The following SGCG variants were observed in gnomAD, a reference collection of about 807,000 sequenced individuals.
SGCG encodes gamma-sarcoglycan.
SGCG carries 26 observed loss-of-function variants against 29.3 expected under a neutral mutation model. That is an observed-to-expected ratio of 0.89 (90% CI 0.65 to 1.23). The LOEUF (loss-of-function observed/expected upper bound fraction) is 1.23. Among genes scored for constraint, SGCG ranks in the 50% most tolerant of loss-of-function variants. SGCG has a pLI of 0.00. For synonymous variants in SGCG, 145 were observed against 129.7 expected (o/e 1.12, Z -0.80); for missense variants, 353 against 356.0 (o/e 0.99, Z 0.07).
intron 2 of SGCG, among the ~76,000 whole-genome samples, chr13:23,218,581 A>G (rs1272068389): frequency 6.6e-6 from 1 of 152,164 alleles, no homozygotes; most frequent in Admixed American, 6.5e-5. Flanking sequence ...ATTTGTTGGG[A>G]AAGGGTAGTA....
chr13:23,259,282 G>A (rs1382731221), intron 4 of SGCG, among the ~76,000 whole-genome samples: 1 of 152,148 alleles, frequency 6.6e-6, no homozygotes, highest in African/African-American at 2.4e-5. Context: ...GAGGGTGTAT[G>A]TGTCCAGGAA....
intron 2 of SGCG, among the ~76,000 whole-genome samples, chr13:23,220,277 A>AC (rs1878606481): frequency 6.6e-6 from 1 of 151,040 alleles, no homozygotes; most frequent in East Asian, 2.0e-4. Context: ...ACATGGAGAA[A>AC]CCCGTCTCTA....
chr13:23,259,415 T>C (rs904660440), intron 4 of SGCG, among the ~76,000 whole-genome samples: 5 of 152,186 alleles, frequency 3.3e-5, no homozygotes, highest in Non-Finnish European at 5.9e-5. Context: ...TTATTGCGTC[T>C]ATTTGATTCT....
At chr13:23,180,549 G>A (rs901380182), upstream of SGCG, among the ~76,000 whole-genome samples, 2 of 152,184 alleles carry the variant, frequency 1.3e-5, no homozygotes, top group African/African-American at 4.8e-5. Flanking sequence ...TAGTATATAG[G>A]TAATAGTCAC....
rs140735612 is a variant in SGCG at position 23,203,361 on chromosome 13, A to G, written c.1-334A>G. On this transcript the variant is annotated intron_variant, in intron 1 of 7. Transcript: ENST00000218867. Reference sequence around the variant, plus strand: ...TATTTTAGGTTAATGTTTCAATTCCAAGTTTAACCCTGAAGAATTCTGATA... The same window carrying G: ...TATTTTAGGTTAATGTTTCAATTCCGAGTTTAACCCTGAAGAATTCTGATA... 1.8e-3 allele frequency among the ~76,000 whole-genome samples: 271 copies of G among 152,314 alleles called. 2 individuals are homozygous for G. The highest frequency in any genetic ancestry group is 6.3e-3 in the African/African-American group (260 of 41,564).
intron 2 of SGCG, among the ~76,000 whole-genome samples, chr13:23,210,993 A>C (rs1001123022): frequency 6.6e-6 from 1 of 152,148 alleles, no homozygotes; most frequent in Non-Finnish European, 1.5e-5. Context: ...CCAAATTCAA[A>C]CCCAACTGAA....
At chr13:23,287,513 C>G (rs559416612) in intron 5 of SGCG, among the ~76,000 whole-genome samples, 1 of 152,280 alleles carries the variant, frequency 6.6e-6, no homozygotes, top group Non-Finnish European at 1.5e-5. Flanking sequence ...AGCACAGAAC[C>G]TGGTCAGACA....
intron 4 of SGCG, among the ~76,000 whole-genome samples, chr13:23,270,981 A>G (rs1581852): frequency 0.64 from 96,997 of 152,022 alleles, 32,696 homozygotes; most frequent in Middle Eastern, 0.84. Context: ...CAGCACTTTC[A>G]GAGGCTGAGG....
chr13:23,295,362 T>C (rs146208560), intron 5 of SGCG, 53 bp from the exon 6 acceptor site: 1 of 1,268,030 alleles, frequency 7.9e-7, no homozygotes, highest in East Asian at 2.3e-5. Context: ...TTTATTTTGT[T>C]TGGTGTCACT....
At chr13:23,252,547 C>T (rs981936245) in intron 4 of SGCG, among the ~76,000 whole-genome samples, 42 of 152,088 alleles carry the variant, frequency 2.8e-4, no homozygotes, top group African/African-American at 8.2e-4. Flanking sequence ...AAAAATTAGC[C>T]GGGCGTGGTG....
intron 6 of SGCG, among the ~76,000 whole-genome samples, chr13:23,309,248 C>CGAGA (rs201756388): frequency 6.7e-6 from 1 of 149,352 alleles, no homozygotes; most frequent in South Asian, 2.1e-4. Flanking sequence ...ATACATATGC[C>CGAGA]GAGAGAGAGA....
intron 3 of SGCG, among the ~76,000 whole-genome samples, chr13:23,247,954 TAAAAAAAA>T (rs200707498): frequency 7.2e-5 from 8 of 110,728 alleles, no homozygotes; most frequent in East Asian, 2.3e-4. Flanking sequence ...TCCCATCTCT[TAAAAAAAA>T]AAAAAAAAAA....
chr13:23,278,938 G>A (rs1383821685), intron 4 of SGCG, among the ~76,000 whole-genome samples: 3 of 152,154 alleles, frequency 2.0e-5, no homozygotes, highest in African/African-American at 2.4e-5. Flanking sequence ...TTATCTTCTA[G>A]GTTAACTTTG....
intron 5 of SGCG, among the ~76,000 whole-genome samples, chr13:23,295,118 T>A (rs1292430579): frequency 6.6e-6 from 1 of 152,180 alleles, no homozygotes; most frequent in Non-Finnish European, 1.5e-5. Context: ...TCAGAAGGAC[T>A]TTTTTTCTTT....
chr13:23,262,707 C>G (rs1464002139), intron 4 of SGCG, among the ~76,000 whole-genome samples: 2 of 152,008 alleles, frequency 1.3e-5, no homozygotes, highest in East Asian at 3.8e-4. Flanking sequence ...AATATCCATT[C>G]TTCCCATCAG....
chr13:23,204,691 C>CTCTT (rs770919816), intron 2 of SGCG, among the ~76,000 whole-genome samples: 1 of 139,746 alleles, frequency 7.2e-6, no homozygotes, highest in South Asian at 2.3e-4. Flanking sequence ...TCCTCTTTCT[C>CTCTT]TCTTTCTTTC....
chr13:23,269,356 G>GTGCTGCAGTGGGGTGCA (rs1264938250), intron 4 of SGCG, among the ~76,000 whole-genome samples: 4 of 152,312 alleles, frequency 2.6e-5, no homozygotes, highest in African/African-American at 7.2e-5. Context: ...TGGAGGGTGT[G>GTGCTGCAGTGGGGTGCA]TGCTGCAGTG....
chr13:23,317,484 C>T lies in SGCG; in HGVS notation c.579-3153C>T, dbSNP rs150416407. ...AGAAGGTAGTCATCAATACCAGCTACGAACACGTGACCAGCTTCAGAAACG... is the reference window on the plus strand; with the variant it reads ...AGAAGGTAGTCATCAATACCAGCTATGAACACGTGACCAGCTTCAGAAACG... On this transcript the variant is annotated intron_variant, in intron 6 of 7. Transcript: ENST00000218867. 1.9e-3 allele frequency among the ~76,000 whole-genome samples: 288 copies of T among 152,118 alleles called. 1 individual carries two copies. Among genetic ancestry groups the T allele is most frequent in the African/African-American group, 6.7e-3 (278 of 41,534 alleles).
intron 4 of SGCG, among the ~76,000 whole-genome samples, chr13:23,262,025 A>G (rs951226748): frequency 2.6e-5 from 4 of 152,014 alleles, no homozygotes; most frequent in African/African-American, 7.2e-5. Flanking sequence ...ATGTTGAACA[A>G]AAGGTCAATA....
Sources: gnomAD v4.1 joint callset for allele counts (sites outside exome capture counted in the v4.1 genomes callset) on GRCh38, gnomAD v4.1.1 for gene constraint, MANE v1.5 for transcripts, NCBI Gene and HGNC (gene_info 2026-07-23, HGNC 2026-07-21) for gene names.